Variants in TEX14 observed in about 807,000 individuals in gnomAD.
TEX14 encodes the protein inactive serine/threonine-protein kinase TEX14.
Under a neutral mutation model 178.6 loss-of-function variants are expected in TEX14, and 168 were observed. The ratio of observed to expected loss-of-function variants is 0.94; its 90% confidence interval spans 0.83 to 1.07. The LOEUF is 1.07. Among genes scored for constraint, TEX14 ranks in the 50% least tolerant of loss-of-function variants. The probability of loss-of-function intolerance (pLI) is 0.00; values close to 1 mark genes in which losing one functional copy is unlikely to be tolerated. For synonymous variants in TEX14, 626 were observed against 634.1 expected (o/e 0.99, Z 0.19); for missense variants, 1,730 against 1,753.6 (o/e 0.99, Z 0.24).
At chr17:58,609,633 G>C (rs894534467) in intron 10 of TEX14, among the ~76,000 whole-genome samples, 14 of 152,178 alleles carry the variant, frequency 9.2e-5, no homozygotes. Flanking sequence ...GTGTTCTTAA[G>C]ATAAAATTCA....
chr17:58,598,341 C>T (rs2045343313), intron 14 of TEX14, among the ~76,000 whole-genome samples: 1 of 151,370 alleles, frequency 6.6e-6, no homozygotes, highest in East Asian at 1.9e-4. Flanking sequence ...AGAAAAAACC[C>T]AGAGTCTAGA....
rs373086043 is a variant in TEX14 at position 58,641,488 on chromosome 17, TTTATTATTA to T, written c.136+10369_136+10377del. On this transcript the variant is annotated intron_variant, in intron 2 of 31. Transcript: ENST00000349033. Reference sequence around the variant, plus strand: ...CATTCTTTTCTTTCTTTCTCTTTTATTTATTATTATTATTATTATTATTATTATTATTTG... The same window carrying T: ...CATTCTTTTCTTTCTTTCTCTTTTATTTATTATTATTATTATTATTATTTG... Among the ~76,000 whole-genome samples, 323 of 143,640 alleles carry T rather than the reference TTTATTATTA, an allele frequency of 2.2e-3. 1 individual carries two copies. Among genetic ancestry groups the T allele is most frequent in the African/African-American group, 7.2e-3 (283 of 39,236 alleles). 94.2% of individuals were successfully genotyped at this position (143,640 alleles called of 152,430 possible). A position where few individuals can be genotyped will look rare whatever the true frequency, so the allele number is the denominator to read the frequency against.
intron 10 of TEX14, among the ~76,000 whole-genome samples, chr17:58,607,987 C>T (rs1448539717): frequency 1.3e-5 from 2 of 152,086 alleles, no homozygotes; most frequent in Admixed American, 6.6e-5. Flanking sequence ...GTGTCCCCCA[C>T]CCACAGAAAA....
chr17:58,574,917 A>G (rs1377553553), intron 21 of TEX14, among the ~76,000 whole-genome samples: 1 of 152,114 alleles, frequency 6.6e-6, no homozygotes, highest in African/African-American at 2.4e-5. Flanking sequence ...CACAGCCATG[A>G]GGCCTCAGCA....
In TEX14 at chr17:58,674,800, T is replaced by A. The variant is rs111917333; in HGVS notation, c.-2+17139A>T. Among the ~76,000 whole-genome samples, 1,299 of 146,516 alleles carry A rather than the reference T, an allele frequency of 8.9e-3. 20 individuals are homozygous for A. The highest frequency in any genetic ancestry group is 0.03 in the African/African-American group (1,194 of 39,348). On this transcript the variant is annotated intron_variant, in intron 1 of 31. Coordinates refer to ENST00000349033, the MANE Select transcript of TEX14 (RefSeq NM_031272.5). ...TGTCAATTATCCTTCAATAAAGTGG[T>A]TAAAAAAAAAAAAAGATTTATCTTC...
intron 2 of TEX14, among the ~76,000 whole-genome samples, chr17:58,638,857 T>A (rs2046502526): frequency 7.4e-6 from 1 of 135,326 alleles, no homozygotes. Flanking sequence ...TATTATTCTT[T>A]TTTTTTTTTT....
chr17:58,682,131 T>C (rs1171547517), intron 1 of TEX14, among the ~76,000 whole-genome samples: 1 of 151,938 alleles, frequency 6.6e-6, no homozygotes, highest in Non-Finnish European at 1.5e-5. Context: ...GTATTTTTTG[T>C]AGAGAGGGAG....
At chr17:58,674,396 G>A (rs1255288446) in intron 1 of TEX14, among the ~76,000 whole-genome samples, 1 of 152,108 alleles carries the variant, frequency 6.6e-6, no homozygotes, top group Admixed American at 6.6e-5. Context: ...CCGGCCAGGC[G>A]CAGTGGCTCA....
At chr17:58,647,693 CTTTTTGT>C (rs1048309378) in intron 2 of TEX14, among the ~76,000 whole-genome samples, 3 of 150,106 alleles carry the variant, frequency 2.0e-5, no homozygotes, top group Admixed American at 6.7e-5. Flanking sequence ...TTCTTTCTTT[CTTTTTGT>C]TTTTTGTTTT....
At chr17:58,669,459 G>A (rs894323074) in intron 1 of TEX14, among the ~76,000 whole-genome samples, 2 of 152,040 alleles carry the variant, frequency 1.3e-5, no homozygotes, top group Non-Finnish European at 2.9e-5. Flanking sequence ...GCTGCTGGGC[G>A]TGGTGGCTCA....
At chr17:58,596,180 CT>C (rs1360367990) in intron 14 of TEX14, among the ~76,000 whole-genome samples, 1 of 151,548 alleles carries the variant, frequency 6.6e-6, no homozygotes, top group Non-Finnish European at 1.5e-5. Flanking sequence ...AAGATTCTGT[CT>C]TTAAAAATTT....
chr17:58,608,696 G>A (rs1318218445), intron 10 of TEX14, among the ~76,000 whole-genome samples: 3 of 152,264 alleles, frequency 2.0e-5, no homozygotes, highest in African/African-American at 7.2e-5. Flanking sequence ...ACATTTGCGT[G>A]ACGCATGTGA....
intron 26 of TEX14, among the ~76,000 whole-genome samples, chr17:58,568,204 G>C (rs1408921481): frequency 2.6e-5 from 4 of 152,172 alleles, no homozygotes; most frequent in African/African-American, 9.7e-5. Flanking sequence ...CTACAACACT[G>C]TGGCACTGGG....
chr17:58,671,279 G>A (rs1240682348), intron 1 of TEX14, among the ~76,000 whole-genome samples: 1 of 152,114 alleles, frequency 6.6e-6, no homozygotes, highest in East Asian at 1.9e-4. Context: ...GGTGCTGGGG[G>A]ACATCACCAA....
intron 1 of TEX14, among the ~76,000 whole-genome samples, chr17:58,683,823 T>C (rs553423418): frequency 1.3e-5 from 2 of 150,612 alleles, no homozygotes; most frequent in South Asian, 2.1e-4. Flanking sequence ...TCCCAGCACT[T>C]TGGGAGGCTG....
intron 10 of TEX14, among the ~76,000 whole-genome samples, chr17:58,607,340 C>T (rs2045633160): frequency 6.6e-6 from 1 of 152,190 alleles, no homozygotes; most frequent in South Asian, 2.1e-4. Flanking sequence ...TACCCCCTCA[C>T]TTGGCCAGTT....
At chr17:58,567,757 A>T (rs2044432872) in intron 26 of TEX14, 1 of 152,256 alleles carries the variant, frequency 6.6e-6, no homozygotes, top group Non-Finnish European at 1.5e-5. Flanking sequence ...GACATTACCT[A>T]GAAACCTGGT....
intron 26 of TEX14, among the ~76,000 whole-genome samples, chr17:58,567,464 G>A (rs551882007): frequency 6.6e-6 from 1 of 152,144 alleles, no homozygotes; most frequent in East Asian, 1.9e-4. Context: ...ATCCATTTTC[G>A]TCCTTGTTAA....
At chr17:58,659,292 C>A (rs992056028) in intron 1 of TEX14, 3 of 962,164 alleles carry the variant, frequency 3.1e-6, no homozygotes, top group African/African-American at 3.5e-5. Flanking sequence ...GTCTCTCCCC[C>A]GCCACAAAGA....
Sources: gnomAD v4.1 joint callset for allele counts (sites outside exome capture counted in the v4.1 genomes callset) on GRCh38, gnomAD v4.1.1 for gene constraint, MANE v1.5 for transcripts, NCBI Gene and HGNC (gene_info 2026-07-23, HGNC 2026-07-21) for gene names.